Variants in SSR3 observed in about 807,000 individuals in gnomAD.
The protein encoded by SSR3 is signal sequence receptor subunit 3.
SSR3 carries 10 observed loss-of-function variants against 22.1 expected under a neutral mutation model. The ratio of observed to expected loss-of-function variants is 0.45; its 90% confidence interval spans 0.28 to 0.77. The LOEUF is 0.77. Ranked by LOEUF, SSR3 falls within the 30% of genes least tolerant of loss-of-function variation. The probability of loss-of-function intolerance (pLI) is 0.13; values close to 1 mark genes in which losing one functional copy is unlikely to be tolerated. For synonymous variants in SSR3, 104 were observed against 82.5 expected (o/e 1.26, Z -1.42); for missense variants, 181 against 220.5 (o/e 0.82, Z 1.13).
rs1129109 is a variant in SSR3, at chr3:156,541,490, C to T, written c.*1713G>A. 0.82 allele frequency: 124,484 copies of T among 152,090 alleles called. 51,040 individuals are homozygous for T. Among genetic ancestry groups the T allele is most frequent in the East Asian group, 0.98 (5,081 of 5,188 alleles). 9.4% of individuals were successfully genotyped at this position (152,090 alleles called of 1,614,324 possible). A position where few individuals can be genotyped will look rare whatever the true frequency, so the allele number is the denominator to read the frequency against. ...CAGTAGTAGCACGATCTCGACTCAC[C>T]GCAACCTCTGCCTCCTGGGTTCAGG... is the stretch of plus-strand genomic sequence containing the variant. On this transcript the variant is annotated 3_prime_UTR_variant, in exon 5 of 5. Coordinates refer to ENST00000265044, the MANE Select transcript of SSR3 (RefSeq NM_007107.5).
chr3:156,548,723 A>G (rs769255398), intron 3 of SSR3, 182 bp downstream of exon 3: 192 of 709,632 alleles, frequency 2.7e-4, no homozygotes, highest in Middle Eastern at 1.5e-3. Context: ...AGCACAGATA[A>G]AAGTATCTGG....
chr3:156,553,748 A>G lies in SSR3; in HGVS notation c.167T>C (p.Ile56Thr), dbSNP rs778705186. The change falls in exon 2 of 5, where the codon ATT becomes ACT. Residue 56 changes from isoleucine to threonine, a missense_variant. Coordinates refer to ENST00000265044, the MANE Select transcript of SSR3 (RefSeq NM_007107.5). ...LYWRIWHMDL[I>T]QSAVLYSVMT... ...CACACTATACAAAACAGCAGACTGA[A>G]TAAGATCCATATGCCATATTCGCCA... is the stretch of plus-strand genomic sequence containing the variant. The G allele has an allele frequency of 3.1e-6, 5 of 1,612,980 alleles. No individual in the cohort carries two copies. Among genetic ancestry groups the G allele is most frequent in the Admixed American group, 3.3e-5 (2 of 59,848 alleles).
At chr3:156,553,477 C>T (rs184934895) in intron 2 of SSR3, among the ~76,000 whole-genome samples, 178 bp downstream of exon 2, 40 of 152,264 alleles carry the variant, frequency 2.6e-4, no homozygotes, top group Admixed American at 7.8e-4. Flanking sequence ...TGATCATTGT[C>T]TCTACTTCAG....
In SSR3 at chr3:156,541,997, G is replaced by A. The variant is rs375719329; in HGVS notation, c.*1206C>T. On this transcript the variant is annotated 3_prime_UTR_variant, in exon 5 of 5. Coordinates refer to ENST00000265044, the MANE Select transcript of SSR3 (RefSeq NM_007107.5). ...TGAAATTCACATTAAATTTAGAAGT[G>A]GATAGTAAAGATTAGGACTATATTT... 8 of 152,166 alleles carry A rather than the reference G, an allele frequency of 5.3e-5. No individual in the cohort carries two copies. Among genetic ancestry groups the A allele is most frequent in the African/African-American group, 1.9e-4 (8 of 41,426 alleles). 9.4% of individuals were successfully genotyped at this position (152,166 alleles called of 1,614,324 possible). A position where few individuals can be genotyped will look rare whatever the true frequency, so the allele number is the denominator to read the frequency against.
chr3:156,544,868 C>T (rs1719705426), intron 3 of SSR3, among the ~76,000 whole-genome samples: 1 of 152,182 alleles, frequency 6.6e-6, no homozygotes, highest in South Asian at 2.1e-4. Flanking sequence ...CAATATCACA[C>T]CTTCAGAAGA....
At chr3:156,549,122 CAAGAA>C in intron 2 of SSR3, 119 bp from the exon 3 acceptor site, 1 of 1,062,810 alleles carries the variant, frequency 9.4e-7, no homozygotes, top group Non-Finnish European at 1.3e-6. Context: ...TTTCACATTT[CAAGAA>C]AAGAAGCTGA....
chr3:156,550,540 AC>A, intron 2 of SSR3, among the ~76,000 whole-genome samples: 1 of 152,182 alleles, frequency 6.6e-6, no homozygotes, highest in East Asian at 1.9e-4. Flanking sequence ...AATAAACCTC[AC>A]TCAGTGCTGA....
At chr3:156,554,815 C>T (rs1281362269) in intron 1 of SSR3, 142 bp downstream of exon 1, 7 of 1,097,190 alleles carry the variant, frequency 6.4e-6, no homozygotes, top group Non-Finnish European at 7.7e-6. Flanking sequence ...AGGCTCCGTG[C>T]CTCCCCGAGC....
rs1471506597 is a variant in SSR3, at chr3:156,542,346, CAGA to C, written c.*854_*856del. 6.6e-6 allele frequency: 1 copy of C among 152,224 alleles called. No individual in the cohort carries two copies. Among genetic ancestry groups the C allele is most frequent in the Non-Finnish European group, 1.5e-5 (1 of 68,030 alleles). 9.4% of individuals were successfully genotyped at this position (152,224 alleles called of 1,614,324 possible). A position where few individuals can be genotyped will look rare whatever the true frequency, so the allele number is the denominator to read the frequency against. Reference sequence around the variant, plus strand: ...ATTCCTTGGAGAGTTCTCAGAATTGCAGAAGTTCAGAAAAATTACTTTGGTCTT... The same window carrying C: ...ATTCCTTGGAGAGTTCTCAGAATTGCAGTTCAGAAAAATTACTTTGGTCTT... On this transcript the variant is annotated 3_prime_UTR_variant, in exon 5 of 5. Coordinates refer to ENST00000265044, the MANE Select transcript of SSR3 (RefSeq NM_007107.5).
chr3:156,547,795 C>T (rs949777238), intron 3 of SSR3, among the ~76,000 whole-genome samples: 1 of 152,170 alleles, frequency 6.6e-6, no homozygotes, highest in African/African-American at 2.4e-5. Flanking sequence ...AGGAAAGTTT[C>T]TTTTCAGAAG....
At position 156,549,009 on chromosome 3, in the gene SSR3, A is replaced by C; in HGVS notation, c.261-6T>G. 6.2e-7 allele frequency: 1 copy of C among 1,604,076 alleles called. No individual in the cohort carries two copies. Among genetic ancestry groups the C allele is most frequent in the South Asian group, 1.1e-5 (1 of 89,764 alleles). On this transcript the variant is annotated splice_polypyrimidine_tract_variant and splice_region_variant and intron_variant, in intron 2 of 4. Coordinates refer to ENST00000265044, the MANE Select transcript of SSR3 (RefSeq NM_007107.5). ...CCTCCCTCTTCTGTGCTACTCTGGA[A>C]GAAAAAGAAAAAAAGAAAAAGTTTC...
chr3:156,542,457 T>C lies in SSR3; in HGVS notation c.*746A>G, dbSNP rs1719589767. 6.6e-6 allele frequency: 1 copy of C among 152,202 alleles called. No individual in the cohort carries two copies. The highest frequency in any genetic ancestry group is 2.4e-5 in the African/African-American group (1 of 41,464). The allele number at this position is 152,202 out of a possible 1,614,324, so 9.4% of individuals were successfully genotyped here. ...GTGAGACCCTGGTCAAGGAAAACAG[T>C]GATTCCTGTGTCTTAGTAAGTCAAA... On this transcript the variant is annotated 3_prime_UTR_variant, in exon 5 of 5. Transcript: ENST00000265044.
chr3:156,552,002 TA>T (rs969989563), intron 2 of SSR3, among the ~76,000 whole-genome samples: 3 of 151,624 alleles, frequency 2.0e-5, no homozygotes, highest in African/African-American at 4.8e-5. Context: ...TTAATACATT[TA>T]AAAAAAACAG....
intron 1 of SSR3, 81 bp downstream of exon 1, chr3:156,554,876 C>G: frequency 6.5e-7 from 1 of 1,533,992 alleles, no homozygotes; most frequent in Non-Finnish European, 8.8e-7. Context: ...CACGCCTTCC[C>G]TGCTCGCCGG....
chr3:156,549,417 C>G (rs985862216), intron 2 of SSR3, among the ~76,000 whole-genome samples: 1 of 152,176 alleles, frequency 6.6e-6, no homozygotes, highest in African/African-American at 2.4e-5. Context: ...AAGTACATAA[C>G]AGGAGCGAAA....
intron 4 of SSR3, 107 bp from the exon 5 acceptor site, chr3:156,543,376 G>C (rs1340313009): frequency 1.3e-6 from 1 of 782,126 alleles, no homozygotes; most frequent in Non-Finnish European, 2.1e-6. Flanking sequence ...CTGACACTTG[G>C]TGTAATCATA....
At chr3:156,553,040 TA>T (rs137859101) in intron 2 of SSR3, among the ~76,000 whole-genome samples, 3,225 of 136,332 alleles carry the variant, frequency 0.024, 38 homozygotes, top group Non-Finnish European at 0.034. Flanking sequence ...GACAGAGAGT[TA>T]AAAAAAAAAA....
Position 156,541,224 on chromosome 3 carries a change from A to G in SSR3, c.*1979T>C, listed in dbSNP as rs1408587229. 2 of 152,192 alleles carry G rather than the reference A, an allele frequency of 1.3e-5. No homozygotes were observed. Among genetic ancestry groups the G allele is most frequent in the Non-Finnish European group, 2.9e-5 (2 of 68,032 alleles). The allele number at this position is 152,192 out of a possible 1,614,324, so 9.4% of individuals were successfully genotyped here. A position where few individuals can be genotyped will look rare whatever the true frequency, so the allele number is the denominator to read the frequency against. ...TGGTGGCAATTTTTTCCCCATCTAT[A>G]CAGGCACTGCCATCTAGTGGCAAGT... On this transcript the variant is annotated 3_prime_UTR_variant, in exon 5 of 5. Coordinates refer to ENST00000265044, the MANE Select transcript of SSR3 (RefSeq NM_007107.5).
At position 156,540,766 on chromosome 3, in the gene SSR3, C is replaced by T. The variant is rs1338065990; in HGVS notation, c.*2437G>A. The T allele has an allele frequency of 6.6e-6, 1 of 152,058 alleles. No individual in the cohort carries two copies. Among genetic ancestry groups the T allele is most frequent in the African/African-American group, 2.4e-5 (1 of 41,398 alleles). The allele number at this position is 152,058 out of a possible 1,614,324, so 9.4% of individuals were successfully genotyped here. On this transcript the variant is annotated 3_prime_UTR_variant, in exon 5 of 5. Coordinates refer to ENST00000265044, the MANE Select transcript of SSR3 (RefSeq NM_007107.5). ...CTTTGAATCCCAATTACAGATGAAT[C>T]TTTTATTTCATGGGTGCTGGGTATG... is the stretch of plus-strand genomic sequence containing the variant.
Sources: gnomAD v4.1 joint callset for allele counts (sites outside exome capture counted in the v4.1 genomes callset) on GRCh38, gnomAD v4.1.1 for gene constraint, MANE v1.5 for transcripts, NCBI Gene and HGNC (gene_info 2026-07-23, HGNC 2026-07-21) for gene names.